HGSNAT: variants seen among roughly 807,000 people sequenced by gnomAD.
HGSNAT encodes transmembrane protein 76.
In HGSNAT, 59 loss-of-function variants were observed where a neutral mutation model predicts 85.2. That is an observed-to-expected ratio of 0.69 (90% CI 0.56 to 0.86). The LOEUF is 0.86. Among genes scored for constraint, HGSNAT ranks in the 40% least tolerant of loss-of-function variants. The pLI is 0.00. For synonymous variants in HGSNAT, 321 were observed against 304.5 expected, an observed-to-expected ratio of 1.05 and a Z score of -0.56; for missense variants, 756 against 777.1, an observed-to-expected ratio of 0.97 and a Z score of 0.32.
intron 1 of HGSNAT, 39 bp from the exon 2 acceptor site, chr8:43,146,909 C>CT (rs375505816): frequency 0.023 from 23,553 of 1,032,114 alleles, 7 homozygotes; most frequent in Non-Finnish European, 0.025. Context: ...TTTCGGGTGC[C>CT]TTTTTTTTTT....
intron 5 of HGSNAT, among the ~76,000 whole-genome samples, chr8:43,166,115 A>T (rs1803427338): frequency 6.6e-6 from 1 of 152,176 alleles, no homozygotes; most frequent in Non-Finnish European, 1.5e-5. Context: ...GCAGAAGAAA[A>T]GTTGGAAACT....
chr8:43,159,113 G>C (rs1803188906), intron 4 of HGSNAT, 69 bp downstream of exon 4: 1 of 1,531,030 alleles, frequency 6.5e-7, no homozygotes, highest in African/African-American at 1.4e-5. Context: ...AGTACTGTTT[G>C]TAAAGCAAAG....
intron 8 of HGSNAT, among the ~76,000 whole-genome samples, chr8:43,173,458 C>T (rs540628210): frequency 3.3e-5 from 5 of 151,852 alleles, no homozygotes; most frequent in South Asian, 2.1e-4. Flanking sequence ...TACAGGTGCC[C>T]GCCACCACAC....
intron 13 of HGSNAT, among the ~76,000 whole-genome samples, 159 bp downstream of exon 13, chr8:43,192,589 C>G (rs1357773709): frequency 1.3e-5 from 2 of 152,086 alleles, no homozygotes; most frequent in Non-Finnish European, 2.9e-5. Context: ...CTTTAGGGAT[C>G]ACTGTATGGC....
chr8:43,166,397 C>T (rs549188318), intron 5 of HGSNAT, among the ~76,000 whole-genome samples: 4 of 152,266 alleles, frequency 2.6e-5, no homozygotes, highest in African/African-American at 7.2e-5. Context: ...TAGGAGCTAA[C>T]GCAACTGGTG....
intron 11 of HGSNAT, among the ~76,000 whole-genome samples, chr8:43,184,205 C>A (rs1199363325): frequency 2.6e-5 from 4 of 152,214 alleles, no homozygotes; most frequent in Non-Finnish European, 4.4e-5. Context: ...CCTGAGGAAT[C>A]GCCATACTGA....
chr8:43,177,343 AGATTG>A (rs1427062225), intron 9 of HGSNAT, among the ~76,000 whole-genome samples: 1 of 151,820 alleles, frequency 6.6e-6, no homozygotes, highest in African/African-American at 2.4e-5. Flanking sequence ...CAAGGTCGGG[AGATTG>A]AGACCATCCT....
chr8:43,161,514 T>C lies in HGSNAT; in HGVS notation c.563+7T>C, dbSNP rs756465413. On this transcript the variant is annotated splice_region_variant and intron_variant, in intron 5 of 17. Transcript: ENST00000379644. ...TTCTGAGGCTCTTGTTGAGGTAAGA[T>C]ATTTGGGGAGGACGCCACTGGAAAG... 1.6e-5 allele frequency: 26 copies of C among 1,596,916 alleles called. No individual in the cohort carries two copies. The highest frequency in any genetic ancestry group is 2.0e-5 in the Non-Finnish European group (23 of 1,171,982).
rs886367335 is a variant in HGSNAT, at chr8:43,191,997, C to T, written c.1251-307C>T. ...AGGCAGGAGTGCAGTGGCATGAACT[C>T]GGCTCACTGCAACCTGCGCCTCCCA... On this transcript the variant is annotated intron_variant, in intron 12 of 17. Coordinates refer to ENST00000379644, the MANE Select transcript of HGSNAT (RefSeq NM_152419.3). 7.2e-5 allele frequency among the ~76,000 whole-genome samples: 11 copies of T among 152,162 alleles called. No individual in the cohort carries two copies. In the East Asian group the frequency reaches 1.2e-3, roughly 16 times the overall value.
At chr8:43,166,003 G>A (rs1803423410) in intron 5 of HGSNAT, among the ~76,000 whole-genome samples, 1 of 152,154 alleles carries the variant, frequency 6.6e-6, no homozygotes. Flanking sequence ...AGTTTGAATG[G>A]TCTGGATAGA....
chr8:43,174,397 A>G (rs1041089044), intron 9 of HGSNAT, among the ~76,000 whole-genome samples: 1 of 152,202 alleles, frequency 6.6e-6, no homozygotes, highest in African/African-American at 2.4e-5. Flanking sequence ...GTATATTGGT[A>G]TCAGTGAATG....
chr8:43,171,281 A>G (rs1381144311), intron 7 of HGSNAT, among the ~76,000 whole-genome samples: 8 of 152,324 alleles, frequency 5.3e-5, no homozygotes, highest in Middle Eastern at 3.4e-3. Flanking sequence ...TGACAACCCT[A>G]TAACTTTGCC....
At position 43,158,619 on chromosome 8, in the gene HGSNAT, A is replaced by C. The variant is rs766369405; in HGVS notation, c.279A>C (p.Ala93=). Residue 93 remains alanine (A), a synonymous_variant, in exon 3 of 18, where the codon GCA becomes GCC. Coordinates refer to ENST00000379644, the MANE Select transcript of HGSNAT (RefSeq NM_152419.3). ...TAAACGTTCCTCAGAGTCCAAAAGCAGGGAAGCCTAGTGCTGCAGCTGCCT... is the reference window on the plus strand; with the variant it reads ...TAAACGTTCCTCAGAGTCCAAAAGCCGGGAAGCCTAGTGCTGCAGCTGCCT... ...VLVNVPQSPK[A]GKPSAAAASV... is the part of the protein sequence containing the mutation. 3 of 1,613,898 alleles carry C rather than the reference A, an allele frequency of 1.9e-6. No individual in the cohort carries two copies. Among genetic ancestry groups the C allele is most frequent in the Admixed American group, 3.3e-5 (2 of 59,996 alleles).
intron 9 of HGSNAT, among the ~76,000 whole-genome samples, chr8:43,175,068 T>A (rs1036144572): frequency 2.0e-5 from 3 of 152,216 alleles, no homozygotes; most frequent in African/African-American, 7.2e-5. Flanking sequence ...AGGATCTCAT[T>A]CTTTTTTATG....
chr8:43,198,436 C>T (rs1030811294), intron 17 of HGSNAT, among the ~76,000 whole-genome samples: 4 of 151,810 alleles, frequency 2.6e-5, no homozygotes, highest in South Asian at 2.1e-4. Context: ...TACAGGCGCC[C>T]GCCACCACGC....
chr8:43,159,597 TATATG>T (rs1340839110), intron 4 of HGSNAT, among the ~76,000 whole-genome samples: 6 of 152,138 alleles, frequency 3.9e-5, no homozygotes, highest in Non-Finnish European at 8.8e-5. Flanking sequence ...CAAAAAAAAT[TATATG>T]ATATATCAAT....
chr8:43,166,348 G>A (rs138610754), intron 5 of HGSNAT, among the ~76,000 whole-genome samples: 247 of 152,296 alleles, frequency 1.6e-3, no homozygotes, highest in African/African-American at 5.7e-3. Flanking sequence ...AGCCAGGAAG[G>A]AGAATTCAAA....
chr8:43,194,510 C>G, intron 14 of HGSNAT: 4 of 984,876 alleles, frequency 4.1e-6, no homozygotes, highest in Non-Finnish European at 4.8e-6. Context: ...TCATATTAGT[C>G]TGTGTGTCCT....
intron 11 of HGSNAT, among the ~76,000 whole-genome samples, chr8:43,191,040 A>G (rs750351029): frequency 6.6e-6 from 1 of 152,156 alleles, no homozygotes; most frequent in Non-Finnish European, 1.5e-5. Context: ...TCCACTTAGC[A>G]TATTTTTTGA....
Sources: gnomAD v4.1 joint callset for allele counts (sites outside exome capture counted in the v4.1 genomes callset) on GRCh38, gnomAD v4.1.1 for gene constraint, MANE v1.5 for transcripts, NCBI Gene and HGNC (gene_info 2026-07-23, HGNC 2026-07-21) for gene names.